The following DTWD2 variants were observed in gnomAD, a reference collection of about 807,000 sequenced individuals.
DTWD2 encodes the protein tRNA-uridine aminocarboxypropyltransferase 2.
A neutral mutation model predicts 31.8 loss-of-function variants in DTWD2; 39 were observed. That is an observed-to-expected ratio of 1.22 (90% CI 0.95 to 1.60). The LOEUF (loss-of-function observed/expected upper bound fraction) is 1.60. Ranked by LOEUF, DTWD2 falls within the 40% of genes most tolerant of loss-of-function variation. The pLI is 0.00. For missense variants in DTWD2, 515 were observed against 381.5 expected (o/e 1.35, Z -2.92); for synonymous variants, 180 against 142.8 (o/e 1.26, Z -1.86).
At chr5:118,920,639 T>C (rs1753682152) in intron 4 of DTWD2, among the ~76,000 whole-genome samples, 1 of 152,072 alleles carries the variant, frequency 6.6e-6, no homozygotes. Flanking sequence ...AAATCACAAT[T>C]TCAAAAATAT....
At chr5:118,973,372 T>C (rs1755036739) in intron 1 of DTWD2, among the ~76,000 whole-genome samples, 2 of 152,334 alleles carry the variant, frequency 1.3e-5, no homozygotes, top group East Asian at 1.9e-4. Flanking sequence ...CAATTTGGTA[T>C]GTTTTTGCAG....
At chr5:118,941,505 A>T (rs1754200483) in intron 2 of DTWD2, among the ~76,000 whole-genome samples, 2 of 152,208 alleles carry the variant, frequency 1.3e-5, no homozygotes, top group Non-Finnish European at 2.9e-5. Flanking sequence ...AAAGGACATG[A>T]ACTCATCATT....
chr5:118,857,210 C>T (rs1225041228), intron 4 of DTWD2, among the ~76,000 whole-genome samples: 1 of 151,934 alleles, frequency 6.6e-6, no homozygotes, highest in Non-Finnish European at 1.5e-5. Flanking sequence ...GATGAGTGAA[C>T]TTTCCTATTC....
In DTWD2 at chr5:118,836,226, G is replaced by A. The variant is rs17438927; in HGVS notation, c.*4691C>T. 0.031 allele frequency among the ~76,000 whole-genome samples: 4,699 copies of A among 152,100 alleles called. 92 individuals carry two copies. The highest frequency in any genetic ancestry group is 0.051 in the Middle Eastern group (15 of 294). On this transcript the variant is annotated 3_prime_UTR_variant, in exon 6 of 6. Transcript: ENST00000510708. ...TAATTCTTACGTTGTTAGTTCAAGT[G>A]AATCTTATTTTTATTTATTTATTTA...
Position 118,983,214 on chromosome 5 carries a change from T to A in DTWD2, c.218+5080A>T, listed in dbSNP as rs147867452. On this transcript the variant is annotated intron_variant, in intron 1 of 5. Coordinates refer to ENST00000510708, the MANE Select transcript of DTWD2 (RefSeq NM_173666.4). ...CACAAATGAGTTAAGCAGGAACGAC[T>A]GGGAGCTACAGTGACCTGGAGAGAT... 4.9e-3 allele frequency among the ~76,000 whole-genome samples: 748 copies of A among 152,250 alleles called. 10 individuals carry two copies. The highest frequency in any genetic ancestry group is 0.034 in the South Asian group (163 of 4,826).
intron 4 of DTWD2, among the ~76,000 whole-genome samples, chr5:118,915,264 G>A (rs921550349): frequency 2.6e-5 from 4 of 151,794 alleles, no homozygotes; most frequent in Non-Finnish European, 5.9e-5. Context: ...CCTGTATCAT[G>A]TTTAGTGATC....
intron 1 of DTWD2, among the ~76,000 whole-genome samples, chr5:118,956,620 T>C (rs1327965476): frequency 6.6e-6 from 1 of 152,190 alleles, no homozygotes; most frequent in Admixed American, 6.5e-5. Flanking sequence ...TGAAAGCTTT[T>C]TTCTCACAGT....
chr5:118,856,935 A>T (rs542322315), intron 4 of DTWD2, among the ~76,000 whole-genome samples: 80 of 151,312 alleles, frequency 5.3e-4, no homozygotes, highest in Non-Finnish European at 7.4e-4. Context: ...ACCACGCCCA[A>T]TTAATTTTTT....
intron 4 of DTWD2, among the ~76,000 whole-genome samples, chr5:118,878,701 G>T (rs920063072): frequency 2.0e-5 from 3 of 151,940 alleles, no homozygotes; most frequent in African/African-American, 7.3e-5. Flanking sequence ...CATAGTAAAA[G>T]AAACTATCAT....
At chr5:118,933,243 A>G (rs1182951393) in intron 3 of DTWD2, among the ~76,000 whole-genome samples, 3 of 152,208 alleles carry the variant, frequency 2.0e-5, no homozygotes, top group East Asian at 3.8e-4. Context: ...CATTTCAGGA[A>G]GAAATGGTAT....
At chr5:118,914,773 G>T (rs1243705608) in intron 4 of DTWD2, among the ~76,000 whole-genome samples, 1 of 152,106 alleles carries the variant, frequency 6.6e-6, no homozygotes, top group Non-Finnish European at 1.5e-5. Context: ...TTTCTTCCAG[G>T]AATGCAGGCA....
chr5:118,919,266 T>C (rs1011495090), intron 4 of DTWD2, among the ~76,000 whole-genome samples: 1 of 152,184 alleles, frequency 6.6e-6, no homozygotes, highest in Non-Finnish European at 1.5e-5. Context: ...AATGCAGAGC[T>C]TACATAGGAA....
intron 4 of DTWD2, among the ~76,000 whole-genome samples, chr5:118,884,208 A>G (rs1752804725): frequency 6.6e-6 from 1 of 152,190 alleles, no homozygotes; most frequent in Admixed American, 6.5e-5. Context: ...CTGTGCTTTT[A>G]CATACATACA....
At chr5:118,940,571 G>C (rs889505326) in intron 2 of DTWD2, among the ~76,000 whole-genome samples, 4 of 151,962 alleles carry the variant, frequency 2.6e-5, no homozygotes, top group African/African-American at 9.7e-5. Context: ...ATCGATTTTA[G>C]ATATTATCCA....
intron 5 of DTWD2, 61 bp from the exon 6 acceptor site, chr5:118,841,148 A>AT (rs1006563759): frequency 1.6e-5 from 24 of 1,530,600 alleles, no homozygotes; most frequent in Non-Finnish European, 1.9e-5. Context: ...TTCTATCTAT[A>AT]TTTTTCATTC....
chr5:118,853,833 C>T (rs1430904780), intron 4 of DTWD2, among the ~76,000 whole-genome samples: 1 of 152,124 alleles, frequency 6.6e-6, no homozygotes, highest in Non-Finnish European at 1.5e-5. Flanking sequence ...ACCCTTGTAA[C>T]AAACCTGCAC....
chr5:118,884,167 G>C (rs73236981), intron 4 of DTWD2, among the ~76,000 whole-genome samples: 9,987 of 152,166 alleles, frequency 0.066, 1,108 homozygotes, highest in African/African-American at 0.23. Flanking sequence ...ACATTTGAGA[G>C]TAATGTATAC....
chr5:118,970,233 C>G (rs1014497292), intron 1 of DTWD2, among the ~76,000 whole-genome samples: 1 of 152,204 alleles, frequency 6.6e-6, no homozygotes, highest in South Asian at 2.1e-4. Flanking sequence ...TCGAGACCAG[C>G]CTGGCCAACA....
At chr5:118,858,959 G>T (rs983322753) in intron 4 of DTWD2, among the ~76,000 whole-genome samples, 20 of 152,126 alleles carry the variant, frequency 1.3e-4, no homozygotes, top group African/African-American at 4.6e-4. Context: ...GATGTGCTGA[G>T]TATTTCCCAT....
Sources: gnomAD v4.1 joint callset for allele counts (sites outside exome capture counted in the v4.1 genomes callset) on GRCh38, gnomAD v4.1.1 for gene constraint, MANE v1.5 for transcripts, NCBI Gene and HGNC (gene_info 2026-07-23, HGNC 2026-07-21) for gene names.